The following MED24 variants were observed in gnomAD, a reference collection of about 807,000 sequenced individuals.
MED24 encodes mediator complex subunit 24.
A neutral mutation model predicts 118.8 loss-of-function variants in MED24; 74 were observed. The observed-to-expected ratio is 0.62, with a 90% CI of 0.52 to 0.76. The LOEUF (loss-of-function observed/expected upper bound fraction) is 0.76. Among genes scored for constraint, MED24 ranks in the 30% least tolerant of loss-of-function variants. The pLI is 0.00. For synonymous variants in MED24, 521 were observed against 523.9 expected (o/e 0.99, Z 0.08); for missense variants, 1,041 against 1,278.9 (o/e 0.81, Z 2.84).
At position 40,035,103 on chromosome 17, in the gene MED24, A is replaced by T. The variant is rs1983786263; in HGVS notation, c.559+14T>A. ...GCAGCGGCAGGTGGGGCTCAGGGGAATCAAGGGACATACAGGCCTCCTCTA... is the reference window on the plus strand; with the variant it reads ...GCAGCGGCAGGTGGGGCTCAGGGGATTCAAGGGACATACAGGCCTCCTCTA... On this transcript the variant is annotated intron_variant, in intron 6 of 25. Transcript: ENST00000394128. 6.2e-7 allele frequency: 1 copy of T among 1,613,424 alleles called. No individual in the cohort carries two copies.
intron 3 of MED24, among the ~76,000 whole-genome samples, chr17:40,044,609 C>T (rs1240942128): frequency 2.6e-5 from 4 of 151,998 alleles, no homozygotes; most frequent in East Asian, 1.9e-4. Flanking sequence ...TGGCCAGGCG[C>T]GGTGGCTCAC....
chr17:40,047,024 C>T (rs2144982707), intron 3 of MED24, among the ~76,000 whole-genome samples: 1 of 152,156 alleles, frequency 6.6e-6, no homozygotes, highest in African/African-American at 2.4e-5. Context: ...AGGAGGATTA[C>T]TTGAGCCCAG....
chr17:40,035,833 C>T (rs1315143876), intron 4 of MED24, 38 bp from the exon 5 acceptor site: 3 of 1,576,396 alleles, frequency 1.9e-6, no homozygotes, highest in Non-Finnish European at 8.7e-7. Context: ...GGAATGCCTC[C>T]ATCCACCCCC....
chr17:40,038,922 G>C (rs1984247658), intron 3 of MED24, among the ~76,000 whole-genome samples: 1 of 152,198 alleles, frequency 6.6e-6, no homozygotes, highest in Non-Finnish European at 1.5e-5. Flanking sequence ...CAGGGCTAGT[G>C]TCTGATATCC....
rs931291789 is a variant in MED24, at chr17:40,028,966, C to T, written c.1269G>A (p.Thr423=). 5.0e-6 allele frequency: 8 copies of T among 1,614,216 alleles called. No individual in the cohort carries two copies. Among genetic ancestry groups the T allele is most frequent in the South Asian group, 1.1e-5 (1 of 91,078 alleles). Residue 423 remains threonine, a splice_region_variant and synonymous_variant, in exon 14 of 26, where the codon ACG becomes ACA. Coordinates refer to ENST00000394128, the MANE Select transcript of MED24 (RefSeq NM_014815.4). ...GTGACTTAGAGTGGTCTGCATCCAT[C>T]GTCTGGGGACAGGACAGGAAATCAA... ...AEPTVTNILK[T]MDADHSKSPE... is the part of the protein sequence containing the mutation.
At chr17:40,031,307 T>TGGCA (rs1196129317) in intron 11 of MED24, 62 bp from the exon 12 acceptor site, 19 of 1,456,408 alleles carry the variant, frequency 1.3e-5, no homozygotes, top group Non-Finnish European at 1.8e-5. Flanking sequence ...GGGGTGGGAG[T>TGGCA]GGCAGGTCCC....
At chr17:40,034,767 C>T in intron 6 of MED24, 1 of 578,478 alleles carries the variant, frequency 1.7e-6, no homozygotes, top group Non-Finnish European at 3.0e-6. Flanking sequence ...CTAGTTTTTT[C>T]CTCGTCTGTG....
rs1490473881 is a variant in MED24, at chr17:40,035,610, G to GA, written c.326+111dup. The GA allele has an allele frequency of 4.1e-6, 5 of 1,216,050 alleles. No homozygotes were observed. The East Asian group carries it at 1.0e-4, about 24-fold the overall frequency. The allele number at this position is 1,216,050 out of a possible 1,614,324, so 75.3% of individuals were successfully genotyped here. On this transcript the variant is annotated intron_variant, in intron 5 of 25. Coordinates refer to ENST00000394128, the MANE Select transcript of MED24 (RefSeq NM_014815.4). Reference sequence around the variant, plus strand: ...GTAAGTGTAGATGGGCAGGTGGGGAGAAAAAACGTTGGAACCCGGAGTTGG... The same window carrying GA: ...GTAAGTGTAGATGGGCAGGTGGGGAGAAAAAAACGTTGGAACCCGGAGTTGG...
intron 2 of MED24, 31 bp downstream of exon 2, chr17:40,053,438 T>C (rs2145013361): frequency 6.2e-7 from 1 of 1,613,862 alleles, no homozygotes; most frequent in East Asian, 2.2e-5. Context: ...GGTTTATCCC[T>C]CCCATCTTTC....
intron 3 of MED24, among the ~76,000 whole-genome samples, chr17:40,047,078 C>G (rs1985310170): frequency 6.6e-6 from 1 of 152,040 alleles, no homozygotes; most frequent in Non-Finnish European, 1.5e-5. Flanking sequence ...ATTGCACACT[C>G]CAGCCTGGGT....
At chr17:40,028,114 GTT>G in intron 14 of MED24, 168 bp from the exon 15 acceptor site, 2 of 596,874 alleles carry the variant, frequency 3.4e-6, no homozygotes, top group Non-Finnish European at 5.6e-6. Flanking sequence ...TTTGTTTTTT[GTT>G]TTTTTTTTGT....
At chr17:40,051,273 T>C (rs1448614921) in intron 3 of MED24, among the ~76,000 whole-genome samples, 1 of 151,884 alleles carries the variant, frequency 6.6e-6, no homozygotes, top group Non-Finnish European at 1.5e-5. Flanking sequence ...ATTGTGCCAC[T>C]GTACTCCACC....
Position 40,033,222 on chromosome 17 carries a change from C to T in MED24, c.672-16G>A. ...CGTGGGGATGCTGAGGGGTCACAAACACAGGGGACGGTGTTTGGGGGGCCA... is the reference window on the plus strand; with the variant it reads ...CGTGGGGATGCTGAGGGGTCACAAATACAGGGGACGGTGTTTGGGGGGCCA... On this transcript the variant is annotated splice_polypyrimidine_tract_variant and intron_variant, in intron 7 of 25. Transcript: ENST00000394128. The surrounding 1 kb of genome is among the most constrained non-coding windows in gnomAD (Gnocchi z 5.2). 1 of 1,613,616 alleles carries T rather than the reference C, an allele frequency of 6.2e-7. No individual in the cohort carries two copies. The highest frequency in any genetic ancestry group is 2.2e-5 in the East Asian group (1 of 44,872).
intron 20 of MED24, 109 bp downstream of exon 20, chr17:40,023,022 G>C (rs12451897): frequency 6.9e-7 from 1 of 1,452,158 alleles, no homozygotes. Flanking sequence ...ATTCCGGGGA[G>C]GCCACCTGGC....
chr17:40,027,014 G>C lies in MED24; in HGVS notation c.1551C>G (p.Arg517=). The C allele has an allele frequency of 6.2e-7, 1 of 1,614,120 alleles. No individual in the cohort carries two copies. Among genetic ancestry groups the C allele is most frequent in the Non-Finnish European group, 8.5e-7 (1 of 1,180,010 alleles). ...YGSEVILSES[R]TGAEVPFFET... ...CGAAGAAGGGCACCTCAGCTCCTGT[G>C]CGCGACTCGGACAGAATCACCTGGG... The change falls in exon 17 of 26, where the codon CGC becomes CGG. Residue 517 remains arginine (R), a synonymous_variant. Coordinates refer to ENST00000394128, the MANE Select transcript of MED24 (RefSeq NM_014815.4).
intron 10 of MED24, 74 bp from the exon 11 acceptor site, chr17:40,031,694 C>T (rs192888122): frequency 7.1e-7 from 1 of 1,413,800 alleles, no homozygotes; most frequent in Non-Finnish European, 9.9e-7. Context: ...ACCTTGTCTG[C>T]TGGAGGCATC....
chr17:40,048,301 G>A (rs1260965875), intron 3 of MED24, among the ~76,000 whole-genome samples: 1 of 152,190 alleles, frequency 6.6e-6, no homozygotes, highest in African/African-American at 2.4e-5. Flanking sequence ...GGTCTAGGAA[G>A]TCAAAATTAT....
In MED24 at chr17:40,035,356, G is replaced by C; in HGVS notation, c.327-7C>G. On this transcript the variant is annotated splice_polypyrimidine_tract_variant and splice_region_variant and intron_variant, in intron 5 of 25. Transcript: ENST00000394128. Reference sequence around the variant, plus strand: ...CTCTGCTTTGCCGTGACAGCTACAGGGAAGGATGCAAAATCAGACTCTGTT... The same window carrying C: ...CTCTGCTTTGCCGTGACAGCTACAGCGAAGGATGCAAAATCAGACTCTGTT... 3.2e-6 allele frequency: 5 copies of C among 1,569,812 alleles called. No individual in the cohort carries two copies. The highest frequency in any genetic ancestry group is 3.5e-6 in the Non-Finnish European group (4 of 1,154,832).
Position 40,027,899 on chromosome 17 carries a change from GC to G in MED24, c.1447+9del. ...CCCACTGGGCCTGCGGATGCACAGGGCTGACTTACTGCTTTCTTCGCTGCCA... is the reference window on the plus strand; with the variant it reads ...CCCACTGGGCCTGCGGATGCACAGGGTGACTTACTGCTTTCTTCGCTGCCA... On this transcript the variant is annotated intron_variant, in intron 15 of 25. Transcript: ENST00000394128. The G allele has an allele frequency of 6.2e-7, 1 of 1,612,844 alleles. No individual in the cohort carries two copies. Among genetic ancestry groups the G allele is most frequent in the Non-Finnish European group, 8.5e-7 (1 of 1,179,728 alleles).
Sources: gnomAD v4.1 joint callset for allele counts (sites outside exome capture counted in the v4.1 genomes callset) on GRCh38, gnomAD v4.1.1 for gene constraint, Gnocchi (gnomAD v3.1) non-coding constraint, MANE v1.5 for transcripts, NCBI Gene and HGNC (gene_info 2026-07-23, HGNC 2026-07-21) for gene names.